The following SLC22A24 variants were observed in gnomAD, a reference collection of about 807,000 sequenced individuals.
SLC22A24 encodes the protein solute carrier family 22 member 24.
A neutral mutation model predicts 49.8 loss-of-function variants in SLC22A24; 53 were observed. The ratio of observed to expected loss-of-function variants is 1.06; its 90% CI spans 0.85 to 1.34. SLC22A24 has a LOEUF of 1.34. Among genes scored for constraint, SLC22A24 ranks in the 40% most tolerant of loss-of-function variants. The pLI is 0.00. For synonymous variants in SLC22A24, 302 were observed against 256.4 expected, an observed-to-expected ratio of 1.18 and a Z score of -1.70; for missense variants, 786 against 675.9, an observed-to-expected ratio of 1.16 and a Z score of -1.81.
chr11:63,088,535 C>T (rs538166686), intron 6 of SLC22A24, among the ~76,000 whole-genome samples: 1 of 152,116 alleles, frequency 6.6e-6, no homozygotes, highest in East Asian at 1.9e-4. Context: ...CTCCAATGAT[C>T]CCAACTCCTC....
chr11:63,093,779 C>A (rs527805731), intron 6 of SLC22A24, among the ~76,000 whole-genome samples: 2 of 152,018 alleles, frequency 1.3e-5, no homozygotes, highest in African/African-American at 4.8e-5. Context: ...ATAATCTGTA[C>A]CACAAACTCC....
chr11:63,111,137 A>G (rs1247768587), intron 4 of SLC22A24, among the ~76,000 whole-genome samples: 5 of 152,004 alleles, frequency 3.3e-5, no homozygotes, highest in Non-Finnish European at 7.4e-5. Context: ...TTCTTTTTAT[A>G]TGCTGGATTA....
chr11:63,102,488 T>C (rs960905588), intron 5 of SLC22A24, among the ~76,000 whole-genome samples: 1 of 152,180 alleles, frequency 6.6e-6, no homozygotes, highest in African/African-American at 2.4e-5. Flanking sequence ...AAGATGTTTG[T>C]TGCTGTGAAT....
chr11:63,087,389 C>A (rs537781152), intron 6 of SLC22A24, among the ~76,000 whole-genome samples: 4 of 152,126 alleles, frequency 2.6e-5, no homozygotes, highest in Non-Finnish European at 4.4e-5. Flanking sequence ...GCTACATGGC[C>A]GGGTTACTAC....
At chr11:63,121,083 G>A (rs1225377059) in intron 2 of SLC22A24, among the ~76,000 whole-genome samples, 5 of 152,090 alleles carry the variant, frequency 3.3e-5, no homozygotes, top group African/African-American at 1.2e-4. Flanking sequence ...TTATACTTTT[G>A]CCAAAACCCA....
intron 4 of SLC22A24, among the ~76,000 whole-genome samples, chr11:63,108,899 GGTTA>G (rs1490770635): frequency 6.8e-6 from 1 of 147,110 alleles, no homozygotes; most frequent in Non-Finnish European, 1.5e-5. Context: ...ACATTGTGCA[GGTTA>G]GTTACATATG....
At chr11:63,085,515 C>T (rs1025393840) in intron 6 of SLC22A24, among the ~76,000 whole-genome samples, 2 of 152,132 alleles carry the variant, frequency 1.3e-5, no homozygotes, top group African/African-American at 4.8e-5. Flanking sequence ...TTTGCTTTGA[C>T]AGCAGGTTTT....
intron 4 of SLC22A24, among the ~76,000 whole-genome samples, chr11:63,113,809 G>T (rs2087192949): frequency 6.8e-6 from 1 of 148,116 alleles, no homozygotes; most frequent in East Asian, 2.0e-4. Flanking sequence ...AGCCAAAATT[G>T]TGCCACTACA....
intron 2 of SLC22A24, among the ~76,000 whole-genome samples, chr11:63,124,941 T>C (rs889256016): frequency 1.1e-4 from 14 of 126,356 alleles, no homozygotes; most frequent in Non-Finnish European, 1.7e-4. Context: ...CATCACACTC[T>C]GGGGACTGTT....
In SLC22A24 at chr11:63,079,946, CTG is replaced by C. The variant is rs2086949603; in HGVS notation, c.1651_1652del (p.Gln551ValfsTer?). On this transcript the variant is annotated frameshift_variant, in exon 10 of 10. Coordinates refer to ENST00000612278, the MANE Select transcript of SLC22A24 (RefSeq NM_001136506.2). LOFTEE classifies it high-confidence loss of function. ...ATCAGGTCTTGGGAATCTCTTAAAA[CTG>C]TGTTACTTTCATGCAAGTATCTTCC... ...KQEDTCMKVT[Q>X]F The C allele has an allele frequency of 6.5e-7, 1 of 1,543,552 alleles. No individual in the cohort carries two copies. Among genetic ancestry groups the C allele is most frequent in the Non-Finnish European group, 8.8e-7 (1 of 1,139,712 alleles).
chr11:63,087,148 A>T (rs959608937), intron 6 of SLC22A24, among the ~76,000 whole-genome samples: 2 of 152,052 alleles, frequency 1.3e-5, no homozygotes, highest in African/African-American at 4.8e-5. Flanking sequence ...AGGGGCCAAG[A>T]TGGCCAAGTG....
chr11:63,104,873 A>G (rs2087110960), intron 4 of SLC22A24, among the ~76,000 whole-genome samples: 1 of 152,134 alleles, frequency 6.6e-6, no homozygotes, highest in Non-Finnish European at 1.5e-5. Context: ...CCAAAGTCTT[A>G]ATTTTTTCGG....
intron 4 of SLC22A24, among the ~76,000 whole-genome samples, chr11:63,105,800 A>T (rs1054986938): frequency 1.3e-5 from 2 of 152,056 alleles, no homozygotes; most frequent in Admixed American, 1.3e-4. Context: ...CTCATTACTT[A>T]TGCAAGTTTC....
chr11:63,098,795 G>T (rs912525070), intron 5 of SLC22A24, among the ~76,000 whole-genome samples: 1 of 151,406 alleles, frequency 6.6e-6, no homozygotes, highest in Non-Finnish European at 1.5e-5. Context: ...AGAGGAGAAA[G>T]AAATGAAATT....
intron 4 of SLC22A24, among the ~76,000 whole-genome samples, chr11:63,110,219 G>A (rs2087152900): frequency 6.6e-6 from 1 of 151,564 alleles, no homozygotes; most frequent in South Asian, 2.1e-4. Flanking sequence ...CTCTGTTTTG[G>A]TACCAGTACC....
chr11:63,141,102 T>C (rs1308896911), intron 1 of SLC22A24, among the ~76,000 whole-genome samples: 2 of 152,196 alleles, frequency 1.3e-5, no homozygotes, highest in Non-Finnish European at 2.9e-5. Context: ...TGCTGTTTGA[T>C]TGAAAATTGT....
intron 6 of SLC22A24, among the ~76,000 whole-genome samples, chr11:63,091,968 G>C (rs1209303144): frequency 6.6e-6 from 1 of 152,152 alleles, no homozygotes; most frequent in East Asian, 1.9e-4. Flanking sequence ...AATTGTCTCT[G>C]TTTGCAGATG....
At chr11:63,090,125 T>C (rs184215247) in intron 6 of SLC22A24, among the ~76,000 whole-genome samples, 59 of 126,362 alleles carry the variant, frequency 4.7e-4, no homozygotes, top group African/African-American at 1.7e-3. Context: ...TGGCATTACA[T>C]AATGGTAAAG....
intron 6 of SLC22A24, among the ~76,000 whole-genome samples, chr11:63,089,923 T>C (rs2087008483): frequency 6.6e-6 from 1 of 151,026 alleles, no homozygotes; most frequent in African/African-American, 2.4e-5. Flanking sequence ...CTACTAAAAA[T>C]ACAAAAAATT....
Sources: gnomAD v4.1 joint callset for allele counts (sites outside exome capture counted in the v4.1 genomes callset) on GRCh38, gnomAD v4.1.1 for gene constraint, MANE v1.5 for transcripts, NCBI Gene and HGNC (gene_info 2026-07-23, HGNC 2026-07-21) for gene names.